The following RSF1 variants were observed in gnomAD, a reference collection of about 807,000 sequenced individuals.
RSF1 encodes the protein remodeling and spacing factor 1, also known as HBV pX-associated protein 8.
RSF1 carries 13 observed loss-of-function variants against 145.2 expected under a neutral mutation model. The observed-to-expected ratio is 0.09, with a 90% confidence interval of 0.06 to 0.14. The LOEUF (loss-of-function observed/expected upper bound fraction) is 0.14, where lower values mean the gene tolerates loss of function less well. RSF1 is among the 10% of genes least tolerant of loss of function. The pLI, the probability that RSF1 is intolerant of heterozygous loss-of-function variation, is 1.00. For synonymous variants in RSF1, 577 were observed against 592.6 expected (o/e 0.97, Z 0.38); for missense variants, 1,517 against 1,718.2 (o/e 0.88, Z 2.07).
intron 2 of RSF1, among the ~76,000 whole-genome samples, 179 bp from the exon 3 acceptor site, chr11:77,747,307 ATTGT>A (rs1948012409): frequency 2.0e-5 from 3 of 152,204 alleles, no homozygotes; most frequent in Non-Finnish European, 4.4e-5. Context: ...AATATTTACT[ATTGT>A]TTGATAACTG....
At chr11:77,739,377 G>C (rs180684364) in intron 4 of RSF1, 4 of 152,282 alleles carry the variant, frequency 2.6e-5, no homozygotes, top group Admixed American at 2.6e-4. Flanking sequence ...AGAAACAGTG[G>C]TATAATGTCA....
At chr11:77,677,791 G>C (rs1959747651) in intron 12 of RSF1, among the ~76,000 whole-genome samples, 1 of 152,094 alleles carries the variant, frequency 6.6e-6, no homozygotes, top group South Asian at 2.1e-4. Flanking sequence ...CAACTGAAAA[G>C]TTTCCTCAGT....
At chr11:77,774,196 T>C (rs1192711659) in intron 1 of RSF1, among the ~76,000 whole-genome samples, 1 of 152,140 alleles carries the variant, frequency 6.6e-6, no homozygotes. Context: ...TACTTAATGG[T>C]AGACACTCAA....
At position 77,820,546 on chromosome 11, in the gene RSF1, C is replaced by CCGG. The variant is rs974894844; in HGVS notation, c.166_168dup (p.Pro56dup). 3 of 1,548,974 alleles carry CCGG rather than the reference C, an allele frequency of 1.9e-6. No individual in the cohort carries two copies. Among genetic ancestry groups the CCGG allele is most frequent in the Non-Finnish European group, 2.6e-6 (3 of 1,147,136 alleles). The stretch of plus-strand genomic sequence containing the variant: ...CGCTTACCTTCTCCGTTGCCGACGT[C>CCGG]CGGCGGCGGCGCCTGCAGCACCCGC... On this transcript the variant is annotated inframe_insertion, in exon 1 of 16. Coordinates refer to ENST00000308488, the MANE Select transcript of RSF1 (RefSeq NM_016578.4).
intron 7 of RSF1, among the ~76,000 whole-genome samples, chr11:77,693,943 C>T (rs563166011): frequency 6.6e-6 from 1 of 152,128 alleles, no homozygotes; most frequent in East Asian, 1.9e-4. Context: ...TGCCACCACA[C>T]CCAGCTAATT....
chr11:77,735,756 T>C (rs1961333403), intron 4 of RSF1, among the ~76,000 whole-genome samples: 2 of 152,336 alleles, frequency 1.3e-5, no homozygotes, highest in Non-Finnish European at 2.9e-5. Flanking sequence ...TCTTCTTTTT[T>C]GAGATGGAGG....
intron 9 of RSF1, among the ~76,000 whole-genome samples, chr11:77,686,335 G>A (rs1342848888): frequency 6.8e-6 from 1 of 146,042 alleles, no homozygotes; most frequent in East Asian, 2.0e-4. Flanking sequence ...TTGAACTCAG[G>A]AGTTGGAGGT....
chr11:77,775,523 G>A (rs1451481548), intron 1 of RSF1, among the ~76,000 whole-genome samples: 1 of 152,248 alleles, frequency 6.6e-6, no homozygotes, highest in African/African-American at 2.4e-5. Flanking sequence ...GTATATAGGA[G>A]TAAATAACCA....
the RSF1 span, among the ~76,000 whole-genome samples, chr11:77,830,456 A>G: frequency 6.6e-6 from 1 of 151,938 alleles, no homozygotes; most frequent in Non-Finnish European, 1.5e-5. Flanking sequence ...ACCTGCCGTG[A>G]ATCAAACTGC....
upstream of RSF1, among the ~76,000 whole-genome samples, chr11:77,822,486 A>G (rs1005638796): frequency 1.3e-5 from 2 of 151,832 alleles, no homozygotes; most frequent in African/African-American, 4.8e-5. Flanking sequence ...GAAATCTGTA[A>G]TTATAGAAAG....
chr11:77,870,837 C>A, the RSF1 span, among the ~76,000 whole-genome samples: 2 of 152,084 alleles, frequency 1.3e-5, no homozygotes. Flanking sequence ...TACTTATAAC[C>A]ATTTTACATA....
intron 1 of RSF1, among the ~76,000 whole-genome samples, chr11:77,781,372 T>C (rs974756065): frequency 1.3e-5 from 2 of 152,178 alleles, no homozygotes; most frequent in African/African-American, 2.4e-5. Context: ...ATGTTAGAAT[T>C]ACAGATGTGA....
chr11:77,797,463 A>G (rs377284252), intron 1 of RSF1, among the ~76,000 whole-genome samples: 4 of 152,358 alleles, frequency 2.6e-5, no homozygotes, highest in African/African-American at 7.2e-5. Flanking sequence ...AGCCATATGC[A>G]GAAAACTGAA....
intron 1 of RSF1, among the ~76,000 whole-genome samples, chr11:77,786,856 G>A (rs181359266): frequency 3.9e-5 from 6 of 152,200 alleles, no homozygotes; most frequent in African/African-American, 7.2e-5. Flanking sequence ...GACATTATAC[G>A]AGTAACAAAA....
chr11:77,683,436 G>A (rs748224404), intron 11 of RSF1, among the ~76,000 whole-genome samples: 6 of 151,956 alleles, frequency 3.9e-5, no homozygotes, highest in Non-Finnish European at 7.4e-5. Context: ...GGGCGCGGTG[G>A]CTCATGGCTG....
chr11:77,792,913 T>G (rs1344557786), intron 1 of RSF1, among the ~76,000 whole-genome samples: 1 of 151,906 alleles, frequency 6.6e-6, no homozygotes, highest in African/African-American at 2.4e-5. Flanking sequence ...AACCTGGAAG[T>G]CAAAGGATGA....
chr11:77,868,355 GC>G, the RSF1 span, among the ~76,000 whole-genome samples: 2 of 119,894 alleles, frequency 1.7e-5, no homozygotes, highest in African/African-American at 6.6e-5. Flanking sequence ...ACGCCCAGCC[GC>G]CTTTTTTTTT....
chr11:77,749,817 C>T (rs1170401205), intron 2 of RSF1, among the ~76,000 whole-genome samples: 13 of 152,208 alleles, frequency 8.5e-5, no homozygotes, highest in Non-Finnish European at 1.5e-4. Flanking sequence ...GGTGCGATCT[C>T]GGCTCACTGC....
the RSF1 span, among the ~76,000 whole-genome samples, chr11:77,861,112 C>T: frequency 3.3e-5 from 5 of 151,752 alleles, no homozygotes; most frequent in Non-Finnish European, 2.9e-5. Context: ...ATTTTTTGCT[C>T]GTCCATATTG....
Sources: allele counts gnomAD v4.1 joint callset (sites outside exome capture counted in the v4.1 genomes callset), GRCh38; gene constraint gnomAD v4.1.1; transcripts MANE v1.5; gene names NCBI Gene and HGNC (gene_info 2026-07-23, HGNC 2026-07-21).